ZNF516: variants seen among roughly 807,000 people sequenced by gnomAD.
The protein encoded by ZNF516 is zinc finger protein 516.
Under a neutral mutation model 79.7 loss-of-function variants are expected in ZNF516, and 19 were observed. That is an observed-to-expected ratio of 0.24 (90% confidence interval 0.17 to 0.35). ZNF516 has a LOEUF of 0.35. ZNF516 is among the 10% of genes least tolerant of loss of function. The probability of loss-of-function intolerance (pLI) is 1.00; values close to 1 mark genes in which losing one functional copy is unlikely to be tolerated. For synonymous variants in ZNF516, 877 were observed against 739.5 expected (o/e 1.19, Z -3.02); for missense variants, 1,678 against 1,679.5 (o/e 1.00, Z 0.02).
intron 3 of ZNF516, among the ~76,000 whole-genome samples, chr18:76,400,062 G>A (rs2075198915): frequency 6.6e-6 from 1 of 152,186 alleles, no homozygotes; most frequent in African/African-American, 2.4e-5. Flanking sequence ...CCTTCTGAAA[G>A]TGGCCCTTCC....
chr18:76,441,338 A>C lies in ZNF516; in HGVS notation c.1717T>G (p.Ser573Ala). The change falls in exon 3 of 7, where the codon TCC becomes GCC. Residue 573 changes from serine (S) to alanine (A), a missense_variant. Ser to Ala is a moderately conservative substitution (Grantham distance 99). Around this residue, in one of 5 missense-constraint regions of ZNF516, gnomAD observed 1,294 missense variants for 1,248.3 expected, o/e 1.04. Transcript: ENST00000443185. The stretch of plus-strand genomic sequence containing the variant: ...GGGGAGTCAGCAGCGGCACAGGCGG[A>C]GCCAGGGCTGCTGGGCTGGGAGGCC... ...DSASQPSSPG[S>A]ACAAADSPGS... 6.2e-7 allele frequency: 1 copy of C among 1,611,644 alleles called. No individual in the cohort carries two copies. Among genetic ancestry groups the C allele is most frequent in the Non-Finnish European group, 8.5e-7 (1 of 1,179,480 alleles).
intron 3 of ZNF516, among the ~76,000 whole-genome samples, chr18:76,412,106 A>C (rs981084138): frequency 2.0e-5 from 3 of 152,186 alleles, no homozygotes; most frequent in South Asian, 2.1e-4. Flanking sequence ...CACCATGTAG[A>C]TGGTAAATAG....
intron 3 of ZNF516, among the ~76,000 whole-genome samples, chr18:76,440,732 G>GTGTGTGTT (rs1555711234): frequency 4.1e-5 from 4 of 96,476 alleles, no homozygotes; most frequent in African/African-American, 1.4e-4. Flanking sequence ...GAAAGTGTGT[G>GTGTGTGTT]TGTGTGTGTT....
chr18:76,456,830 C>T (rs1358474259), intron 2 of ZNF516, among the ~76,000 whole-genome samples: 1 of 152,226 alleles, frequency 6.6e-6, no homozygotes, highest in Admixed American at 6.5e-5. Context: ...CCAAGCTATT[C>T]ATGCAAACAT....
chr18:76,405,699 A>G (rs1370366479), intron 3 of ZNF516, among the ~76,000 whole-genome samples: 1 of 151,696 alleles, frequency 6.6e-6, no homozygotes, highest in Admixed American at 6.6e-5. Context: ...GGCCTGCAGT[A>G]TTTTTACCAA....
chr18:76,426,069 C>A (rs970982463), intron 3 of ZNF516, among the ~76,000 whole-genome samples: 5 of 152,238 alleles, frequency 3.3e-5, no homozygotes, highest in East Asian at 1.9e-4. Context: ...TTAGAAAATG[C>A]CAGCAGTCAC....
intron 3 of ZNF516, among the ~76,000 whole-genome samples, chr18:76,437,348 C>T (rs1214894411): frequency 4.6e-5 from 7 of 151,958 alleles, no homozygotes; most frequent in African/African-American, 1.5e-4. Flanking sequence ...GGCTGCTGGG[C>T]GGCAGGGAGG....
At chr18:76,395,927 C>T (rs1274685209) in intron 3 of ZNF516, among the ~76,000 whole-genome samples, 1 of 152,322 alleles carries the variant, frequency 6.6e-6, no homozygotes, top group African/African-American at 2.4e-5. Flanking sequence ...TCCGGAAGTG[C>T]GCAAAGCTGC....
intron 3 of ZNF516, among the ~76,000 whole-genome samples, chr18:76,391,455 T>C (rs932749423): frequency 1.3e-5 from 2 of 152,032 alleles, no homozygotes; most frequent in Non-Finnish European, 2.9e-5. Context: ...AATCCAACTC[T>C]AACCCTAACC....
intron 2 of ZNF516, among the ~76,000 whole-genome samples, chr18:76,458,441 G>T (rs1292237991): frequency 6.6e-6 from 1 of 152,178 alleles, no homozygotes; most frequent in Non-Finnish European, 1.5e-5. Flanking sequence ...AAATACTCTT[G>T]CGCTTCTCTC....
intron 2 of ZNF516, among the ~76,000 whole-genome samples, chr18:76,457,868 G>A (rs1375070806): frequency 1.3e-5 from 2 of 152,188 alleles, no homozygotes; most frequent in Non-Finnish European, 2.9e-5. Flanking sequence ...GAATCTAGCA[G>A]GAAAATTCCT....
At chr18:76,466,816 C>A (rs1475505041) in intron 1 of ZNF516, among the ~76,000 whole-genome samples, 1 of 152,208 alleles carries the variant, frequency 6.6e-6, no homozygotes, top group Non-Finnish European at 1.5e-5. Context: ...GCTGATGCAA[C>A]AGGAGACAGG....
chr18:76,428,128 T>C (rs1047756116), intron 3 of ZNF516, among the ~76,000 whole-genome samples: 2 of 152,156 alleles, frequency 1.3e-5, no homozygotes, highest in African/African-American at 4.8e-5. Context: ...GGCTCAGGCC[T>C]GTAATCCCAG....
At chr18:76,406,028 G>A (rs690423) in intron 3 of ZNF516, among the ~76,000 whole-genome samples, 86,665 of 151,968 alleles carry the variant, frequency 0.57, 24,858 homozygotes, top group South Asian at 0.68. Context: ...GTGCTCAAGC[G>A]TCCTCAGCAG....
chr18:76,462,422 T>G (rs757442545), intron 2 of ZNF516, among the ~76,000 whole-genome samples: 2 of 152,180 alleles, frequency 1.3e-5, no homozygotes, highest in Non-Finnish European at 2.9e-5. Flanking sequence ...TTTAGAAACA[T>G]CGCCGTCAGG....
chr18:76,422,871 C>A (rs2075525816), intron 3 of ZNF516, among the ~76,000 whole-genome samples: 1 of 152,186 alleles, frequency 6.6e-6, no homozygotes, highest in African/African-American at 2.4e-5. Context: ...TAAATTAATT[C>A]TCCTCCATAC....
intron 2 of ZNF516, among the ~76,000 whole-genome samples, chr18:76,456,603 G>A (rs74648617): frequency 0.018 from 2,692 of 152,220 alleles, 92 homozygotes; most frequent in African/African-American, 0.062. Flanking sequence ...TTCCTCCCGG[G>A]AATGTGTGTG....
chr18:76,369,933 G>C (rs1162112964), intron 6 of ZNF516, among the ~76,000 whole-genome samples: 1 of 152,186 alleles, frequency 6.6e-6, no homozygotes, highest in Non-Finnish European at 1.5e-5. Context: ...CTTTAGAGCA[G>C]GACTCAGAAC....
intron 2 of ZNF516, among the ~76,000 whole-genome samples, chr18:76,446,451 T>C (rs1912055015): frequency 6.6e-6 from 1 of 152,226 alleles, no homozygotes; most frequent in Admixed American, 6.5e-5. Flanking sequence ...TCCTGGGCCA[T>C]GACCACGGCT....
Sources: allele counts gnomAD v4.1 joint callset (sites outside exome capture counted in the v4.1 genomes callset), GRCh38; gene constraint gnomAD v4.1.1; regional missense constraint gnomAD v4.1.1; transcripts MANE v1.5; gene names NCBI Gene and HGNC (gene_info 2026-07-23, HGNC 2026-07-21).